The following EPS8 variants were observed in gnomAD, a reference collection of about 807,000 sequenced individuals.
EPS8 encodes the protein epidermal growth factor receptor kinase substrate 8.
A neutral mutation model predicts 103.8 loss-of-function variants in EPS8; 42 were observed. The observed-to-expected ratio is 0.40, with a 90% CI of 0.32 to 0.52. The LOEUF (loss-of-function observed/expected upper bound fraction) is 0.52, where lower values mean the gene tolerates loss of function less well. EPS8 is among the 20% of genes least tolerant of loss of function. The pLI, the probability that EPS8 is intolerant of heterozygous loss-of-function variation, is 0.40. For missense variants in EPS8, 969 were observed against 1,005.1 expected, an observed-to-expected ratio of 0.96 and a Z score of 0.49; for synonymous variants, 344 against 344.6, an observed-to-expected ratio of 1.00 and a Z score of 0.02.
chr12:15,692,342 T>G (rs1946186467), intron 1 of EPS8, among the ~76,000 whole-genome samples: 1 of 100,890 alleles, frequency 9.9e-6, no homozygotes, highest in Non-Finnish European at 2.2e-5. Flanking sequence ...TTTTTTTTTT[T>G]TGCCCCATAA....
Position 15,761,928 on chromosome 12 carries a change from G to A in EPS8, c.-22+27233C>T, listed in dbSNP as rs1425896647. On this transcript the variant is annotated intron_variant, in intron 1 of 20. Coordinates refer to ENST00000281172, the MANE Select transcript of EPS8 (RefSeq NM_004447.6). The surrounding 1 kb of genome is among the most constrained non-coding windows in gnomAD (Gnocchi z 4.5). ...AGAACAGGCAACCAAAACGAAAAGG[G>A]ACAAATGGGATCATATCAAGTTAAA... 6.6e-6 allele frequency among the ~76,000 whole-genome samples: 1 copy of A among 152,048 alleles called. No individual in the cohort carries two copies. Among genetic ancestry groups the A allele is most frequent in the Non-Finnish European group, 1.5e-5 (1 of 68,016 alleles).
chr12:15,731,790 G>A lies in EPS8; in HGVS notation c.-21-48818C>T, dbSNP rs908271872. Among the ~76,000 whole-genome samples the A allele has an allele frequency of 6.6e-6, 1 of 152,122 alleles. No homozygotes were observed. The highest frequency in any genetic ancestry group is 6.6e-5 in the Admixed American group (1 of 15,266). On this transcript the variant is annotated intron_variant, in intron 1 of 20. Transcript: ENST00000281172. The surrounding 1 kb of genome is among the most constrained non-coding windows in gnomAD (Gnocchi z 5.1). ...GCAGCAAAAAGCTGTTCAGTGTGCTGTTAGCTAACCCCTACAGCTTGTGCA... is the reference window on the plus strand; with the variant it reads ...GCAGCAAAAAGCTGTTCAGTGTGCTATTAGCTAACCCCTACAGCTTGTGCA...
In EPS8 at chr12:15,650,996, G is replaced by A. The variant is rs765909422; in HGVS notation, c.1261C>T (p.Pro421Ser). The A allele has an allele frequency of 2.0e-5, 32 of 1,613,424 alleles. No individual in the cohort carries two copies. The highest frequency in any genetic ancestry group is 3.3e-5 in the Admixed American group (2 of 59,942). ...GTWMKARAEW[P>S]KEQFIPPYVP... ...TATGGTGGAATAAACTGTTCTTTTG[G>A]CCACTCTGCTCTGCAGGAGGGAATG... The change falls in exon 14 of 21, where the codon CCA becomes TCA. Residue 421 changes from proline (P) to serine (S), a missense_variant. Coordinates refer to ENST00000281172, the MANE Select transcript of EPS8 (RefSeq NM_004447.6).
intron 17 of EPS8, chr12:15,634,611 T>C (rs759994038): frequency 1.0e-5 from 4 of 395,796 alleles, no homozygotes; most frequent in African/African-American, 2.1e-5. Flanking sequence ...TCCTCTAAAT[T>C]TGGTTATTTG....
chr12:15,750,170 C>G (rs1046456076), intron 1 of EPS8, among the ~76,000 whole-genome samples: 4 of 152,160 alleles, frequency 2.6e-5, no homozygotes, highest in African/African-American at 9.7e-5. Context: ...TGCCACGGCC[C>G]TGCCCTAATT....
intron 3 of EPS8, among the ~76,000 whole-genome samples, chr12:15,675,707 A>G (rs1468900449): frequency 1.3e-5 from 2 of 152,248 alleles, no homozygotes; most frequent in African/African-American, 4.8e-5. Flanking sequence ...AGGTGTTGGT[A>G]ATGACAACAA....
chr12:15,665,589 C>T (rs1247256707), intron 8 of EPS8, 167 bp downstream of exon 8: 2 of 746,510 alleles, frequency 2.7e-6, no homozygotes, highest in African/African-American at 1.8e-5. Context: ...CCTCGGCCTC[C>T]CAAAGCACTG....
intron 6 of EPS8, 76 bp downstream of exon 6, chr12:15,669,311 A>G: frequency 2.2e-6 from 3 of 1,358,516 alleles, no homozygotes; most frequent in East Asian, 2.4e-5. Flanking sequence ...ATGCAGATAT[A>G]TTATCAAAAT....
chr12:15,707,957 A>G (rs1027626535), intron 1 of EPS8, among the ~76,000 whole-genome samples: 1 of 152,172 alleles, frequency 6.6e-6, no homozygotes, highest in Non-Finnish European at 1.5e-5. Context: ...AGCCCCAGGA[A>G]AAAAATTCTG....
rs1341231354 is a variant in EPS8, at chr12:15,734,521, C to T, written c.-21-51549G>A. On this transcript the variant is annotated intron_variant, in intron 1 of 20. Coordinates refer to ENST00000281172, the MANE Select transcript of EPS8 (RefSeq NM_004447.6). The surrounding 1 kb of genome is among the most constrained non-coding windows in gnomAD (Gnocchi z 4.1). Reference sequence around the variant, plus strand: ...CATCCTGGCTAACACGGTGAAACCCCGTCTCTACTAAAAATACAAAGAATT... The same window carrying T: ...CATCCTGGCTAACACGGTGAAACCCTGTCTCTACTAAAAATACAAAGAATT... Among the ~76,000 whole-genome samples the T allele has an allele frequency of 6.6e-6, 1 of 151,922 alleles. No homozygotes were observed. Among genetic ancestry groups the T allele is most frequent in the South Asian group, 2.1e-4 (1 of 4,804 alleles).
At position 15,620,978 on chromosome 12, in the gene EPS8, T is replaced by A. The variant is rs187056411; in HGVS notation, c.*339A>T. ...AGATTTTGAATCATGGACAACATTG[T>A]TGCTTTGTTGCAGTGAATAACTCCA... On this transcript the variant is annotated 3_prime_UTR_variant, in exon 21 of 21. Coordinates refer to ENST00000281172, the MANE Select transcript of EPS8 (RefSeq NM_004447.6). 5.1e-6 allele frequency: 1 copy of A among 196,034 alleles called. No homozygotes were observed. The highest frequency in any genetic ancestry group is 1.5e-4 in the East Asian group (1 of 6,628). 12.1% of individuals were successfully genotyped at this position (196,034 alleles called of 1,614,324 possible).
At chr12:15,657,812 G>A (rs998033238) in intron 12 of EPS8, 2 of 357,524 alleles carry the variant, frequency 5.6e-6, no homozygotes, top group Non-Finnish European at 1.0e-5. Context: ...TTGAAATACT[G>A]GTATCCAATA....
chr12:15,655,406 C>T (rs1239534014), intron 12 of EPS8, among the ~76,000 whole-genome samples: 3 of 152,230 alleles, frequency 2.0e-5, no homozygotes, highest in Non-Finnish European at 4.4e-5. Context: ...CACTATTACA[C>T]TGTAATTTAT....
At chr12:15,720,219 A>G (rs1303302767) in intron 1 of EPS8, among the ~76,000 whole-genome samples, 2 of 152,234 alleles carry the variant, frequency 1.3e-5, no homozygotes, top group East Asian at 3.8e-4. Flanking sequence ...ATTATAAGTA[A>G]TAAATGGTAG....
Position 15,631,602 on chromosome 12 carries a change from TGGA to T in EPS8, c.1881_1883del (p.Pro628del), listed in dbSNP as rs766046049. 4 of 1,613,988 alleles carry T rather than the reference TGGA, an allele frequency of 2.5e-6. No homozygotes were observed. The highest frequency in any genetic ancestry group is 3.4e-6 in the Non-Finnish European group (4 of 1,179,970). On this transcript the variant is annotated inframe_deletion, in exon 18 of 21. Transcript: ENST00000281172. Reference sequence around the variant, plus strand: ...GGGGAACAGGAACAGGAGCTGGTGTTGGAGGAGGTGATGGAGCAGGGGGAGTAT... The same window carrying T: ...GGGGAACAGGAACAGGAGCTGGTGTTGGAGGTGATGGAGCAGGGGGAGTAT...
chr12:15,677,472 G>A (rs1945928788), intron 3 of EPS8, among the ~76,000 whole-genome samples: 2 of 152,026 alleles, frequency 1.3e-5, no homozygotes, highest in South Asian at 4.1e-4. Flanking sequence ...TCTAGACTGT[G>A]GTCAGTGCGT....
At chr12:15,744,753 T>C (rs1266661997) in intron 1 of EPS8, among the ~76,000 whole-genome samples, 1 of 152,242 alleles carries the variant, frequency 6.6e-6, no homozygotes, top group Non-Finnish European at 1.5e-5. Context: ...ACAAAGGTTA[T>C]GGGAATAGTA....
chr12:15,662,147 A>G, intron 8 of EPS8, 48 bp from the exon 9 acceptor site: 1 of 1,567,952 alleles, frequency 6.4e-7, no homozygotes. Flanking sequence ...CTCCCACAAT[A>G]CCAATACAGA....
chr12:15,644,707 A>G (rs1237605760), intron 15 of EPS8, among the ~76,000 whole-genome samples: 1 of 152,096 alleles, frequency 6.6e-6, no homozygotes, highest in Non-Finnish European at 1.5e-5. Flanking sequence ...CAAAAAAAAA[A>G]AAAAAAACTG....
Sources: allele counts gnomAD v4.1 joint callset (sites outside exome capture counted in the v4.1 genomes callset), GRCh38; gene constraint gnomAD v4.1.1; non-coding constraint Gnocchi (gnomAD v3.1); transcripts MANE v1.5; gene names NCBI Gene and HGNC (gene_info 2026-07-23, HGNC 2026-07-21).